Variants in UNC13C observed in about 807,000 individuals in gnomAD.
The protein encoded by UNC13C is unc-13 homolog C.
A neutral mutation model predicts 245.4 loss-of-function variants in UNC13C; 174 were observed. The ratio of observed to expected loss-of-function variants is 0.71; its 90% CI spans 0.63 to 0.80. UNC13C has a LOEUF of 0.80. Among genes scored for constraint, UNC13C ranks in the 30% least tolerant of loss-of-function variants. The probability of loss-of-function intolerance (pLI) is 0.00; values close to 1 mark genes in which losing one functional copy is unlikely to be tolerated. For missense variants in UNC13C, 2,829 were observed against 2,602.9 expected (o/e 1.09, Z -1.89); for synonymous variants, 992 against 895.1 (o/e 1.11, Z -1.93).
At chr15:54,007,940 A>G (rs897753654) in intron 1 of UNC13C, among the ~76,000 whole-genome samples, 1 of 152,176 alleles carries the variant, frequency 6.6e-6, no homozygotes, top group Non-Finnish European at 1.5e-5. Flanking sequence ...GTCTGTCTTG[A>G]AAGTTAACCT....
chr15:54,016,841 A>C (rs1283111784), intron 2 of UNC13C, among the ~76,000 whole-genome samples: 1 of 152,162 alleles, frequency 6.6e-6, no homozygotes, highest in Non-Finnish European at 1.5e-5. Flanking sequence ...ATGTTCCCTG[A>C]TCATGGGATT....
intron 17 of UNC13C, among the ~76,000 whole-genome samples, chr15:54,392,122 A>T (rs1222136484): frequency 6.6e-6 from 1 of 152,108 alleles, no homozygotes; most frequent in Non-Finnish European, 1.5e-5. Context: ...ACTTAAGCGA[A>T]AATGTATCTC....
At chr15:54,175,603 C>T (rs1004685326) in intron 4 of UNC13C, among the ~76,000 whole-genome samples, 6 of 150,820 alleles carry the variant, frequency 4.0e-5, no homozygotes, top group African/African-American at 1.5e-4. Flanking sequence ...AGCTCCGCCT[C>T]CCGGGTTCAC....
intron 2 of UNC13C, among the ~76,000 whole-genome samples, chr15:54,040,361 AG>A (rs1430372459): frequency 2.0e-5 from 3 of 152,128 alleles, no homozygotes; most frequent in Admixed American, 6.5e-5. Context: ...TTGCTACTTA[AG>A]GTGTGGTCTG....
At chr15:54,108,220 T>A (rs894460356) in intron 2 of UNC13C, among the ~76,000 whole-genome samples, 2 of 152,056 alleles carry the variant, frequency 1.3e-5, no homozygotes, top group Non-Finnish European at 2.9e-5. Context: ...AGAGTCTCGC[T>A]CTGTCGCCCA....
At chr15:54,116,106 C>T (rs1231096108) in intron 2 of UNC13C, among the ~76,000 whole-genome samples, 1 of 151,812 alleles carries the variant, frequency 6.6e-6, no homozygotes, top group Non-Finnish European at 1.5e-5. Flanking sequence ...CCTTGCCCGC[C>T]CCCTCACCTA....
In UNC13C at chr15:54,507,212, C is replaced by T. The variant is rs372319219; in HGVS notation, c.5379+18C>T. 1 of 1,518,812 alleles carries T rather than the reference C, an allele frequency of 6.6e-7. No homozygotes were observed. Among genetic ancestry groups the T allele is most frequent in the Non-Finnish European group, 9.0e-7 (1 of 1,110,966 alleles). The allele number at this position is 1,518,812 out of a possible 1,614,324, so 94.1% of individuals were successfully genotyped here. On this transcript the variant is annotated intron_variant, in intron 23 of 32. Coordinates refer to ENST00000260323, the MANE Select transcript of UNC13C (RefSeq NM_001080534.3). ...AAAATGTGGTAAGTAAAAAATGTCT[C>T]TACTTTCAAGTATCTCTCAGTTGAG...
intron 19 of UNC13C, among the ~76,000 whole-genome samples, chr15:54,436,380 A>G (rs991584269): frequency 2.6e-5 from 4 of 152,094 alleles, no homozygotes; most frequent in Non-Finnish European, 4.4e-5. Flanking sequence ...TTGCAGCACT[A>G]TTTACAATAG....
At chr15:54,400,876 G>C (rs946314791) in intron 18 of UNC13C, among the ~76,000 whole-genome samples, 1 of 152,028 alleles carries the variant, frequency 6.6e-6, no homozygotes, top group Non-Finnish European at 1.5e-5. Context: ...CATTCGGTAT[G>C]TCTCCTAATG....
intron 13 of UNC13C, among the ~76,000 whole-genome samples, chr15:54,308,232 G>T (rs1347783299): frequency 6.6e-6 from 1 of 151,818 alleles, no homozygotes; most frequent in East Asian, 1.9e-4. Context: ...TTCAACAATA[G>T]CAAGTGACAT....
chr15:54,356,022 A>G (rs374495308), intron 17 of UNC13C, among the ~76,000 whole-genome samples: 4 of 152,274 alleles, frequency 2.6e-5, no homozygotes, highest in African/African-American at 7.2e-5. Flanking sequence ...TCATTTAACA[A>G]TATGTCTTTG....
intron 14 of UNC13C, 116 bp downstream of exon 14, chr15:54,322,211 A>C: frequency 5.0e-6 from 5 of 995,844 alleles, no homozygotes; most frequent in South Asian, 1.9e-5. Context: ...ATTTTAGGGA[A>C]TAGCGTAATG....
chr15:54,296,436 T>C (rs1342073904), intron 11 of UNC13C, among the ~76,000 whole-genome samples: 2 of 148,324 alleles, frequency 1.3e-5, no homozygotes, highest in Non-Finnish European at 3.0e-5. Context: ...GCCAGAATGG[T>C]CTCGATCTCC....
chr15:54,063,013 G>A (rs1897914964), intron 2 of UNC13C, among the ~76,000 whole-genome samples: 1 of 152,184 alleles, frequency 6.6e-6, no homozygotes, highest in Admixed American at 6.5e-5. Flanking sequence ...TCCCGTTAGG[G>A]ATAGGCCTGG....
intron 18 of UNC13C, among the ~76,000 whole-genome samples, chr15:54,409,235 T>C (rs1281635405): frequency 6.6e-6 from 1 of 151,310 alleles, no homozygotes; most frequent in Non-Finnish European, 1.5e-5. Flanking sequence ...CACTTTTCCT[T>C]TCATTTCTTC....
chr15:54,375,818 A>G (rs1193859798), intron 17 of UNC13C, among the ~76,000 whole-genome samples: 1 of 152,180 alleles, frequency 6.6e-6, no homozygotes. Flanking sequence ...CCCCTGAAAC[A>G]TAGAGCAGAA....
chr15:53,889,539 T>A, the UNC13C span, among the ~76,000 whole-genome samples: 33 of 152,232 alleles, frequency 2.2e-4, 1 homozygote, highest in Admixed American at 1.5e-3. Context: ...TTGAATACCA[T>A]TTATTTCTTT....
chr15:54,613,348 G>A (rs967724496), intron 30 of UNC13C, among the ~76,000 whole-genome samples: 15 of 151,888 alleles, frequency 9.9e-5, no homozygotes, highest in Admixed American at 5.9e-4. Flanking sequence ...TATTAAAATT[G>A]TGTTGCTATT....
In UNC13C at chr15:54,035,407, A is replaced by G. The variant is rs138162328; in HGVS notation, c.2983+19521A>G. Among the ~76,000 whole-genome samples the G allele has an allele frequency of 6.9e-3, 1,054 of 152,258 alleles. 12 individuals are homozygous for G. Among genetic ancestry groups the G allele is most frequent in the African/African-American group, 0.024 (992 of 41,542 alleles). On this transcript the variant is annotated intron_variant, in intron 2 of 32. Transcript: ENST00000260323. The stretch of plus-strand genomic sequence containing the variant: ...ATAGGCATGCATGATTTGTATAGCA[A>G]AAATCAAAATGCTCCAGTGATGGTG...
Sources: allele counts gnomAD v4.1 joint callset (sites outside exome capture counted in the v4.1 genomes callset), GRCh38; gene constraint gnomAD v4.1.1; transcripts MANE v1.5; gene names NCBI Gene and HGNC (gene_info 2026-07-23, HGNC 2026-07-21).